Variants in CACNA1C observed in about 807,000 individuals in gnomAD.
CACNA1C encodes the protein calcium voltage-gated channel subunit alpha1 C.
In CACNA1C, 30 loss-of-function variants were observed where a neutral mutation model predicts 229.0. The observed-to-expected ratio is 0.13, with a 90% CI of 0.10 to 0.18. The LOEUF is 0.18. Among genes scored for constraint, CACNA1C ranks in the 10% least tolerant of loss-of-function variants. CACNA1C has a pLI of 1.00. For missense variants in CACNA1C, 1,658 were observed against 2,845.0 expected, an observed-to-expected ratio of 0.58 and a Z score of 9.49; for synonymous variants, 1,114 against 1,132.5, an observed-to-expected ratio of 0.98 and a Z score of 0.33.
At chr12:2,199,389 C>G (rs2097521095) in intron 3 of CACNA1C, among the ~76,000 whole-genome samples, 1 of 152,110 alleles carries the variant, frequency 6.6e-6, no homozygotes, top group Non-Finnish European at 1.5e-5. Flanking sequence ...GGGTGAAAAC[C>G]TTTATGATGG....
At position 2,500,789 on chromosome 12, in the gene CACNA1C, G is replaced by A. The variant is rs544827809; in HGVS notation, c.1114-4053G>A. ...AGGTCAGTACCATGGGGTTCTGCAC[G>A]CGCTTCAGGGTGCCGGCGTGCCCTC... is the stretch of plus-strand genomic sequence containing the variant. On this transcript the variant is annotated intron_variant, in intron 7 of 46. Transcript: ENST00000399655. Among the ~76,000 whole-genome samples, 106 of 152,306 alleles carry A rather than the reference G, an allele frequency of 7.0e-4. 1 individual carries two copies. Among genetic ancestry groups the A allele is most frequent in the Admixed American group, 1.6e-3 (25 of 15,304 alleles).
At chr12:2,545,056 TGG>T (rs2099878557) in intron 9 of CACNA1C, among the ~76,000 whole-genome samples, 1 of 152,200 alleles carries the variant, frequency 6.6e-6, no homozygotes, top group Admixed American at 6.5e-5. Context: ...AGTTTGGCTT[TGG>T]GAAGTGCTTT....
At chr12:2,531,158 T>C (rs1197517899) in intron 9 of CACNA1C, among the ~76,000 whole-genome samples, 1 of 152,234 alleles carries the variant, frequency 6.6e-6, no homozygotes, top group Non-Finnish European at 1.5e-5. Flanking sequence ...ATGAGAAAAG[T>C]GAGGTTCAGA....
chr12:2,483,024 C>T (rs552195245), intron 5 of CACNA1C, among the ~76,000 whole-genome samples: 1 of 152,314 alleles, frequency 6.6e-6, no homozygotes, highest in Admixed American at 6.5e-5. Context: ...GAAGGCACCC[C>T]GTGCTCACGC....
rs375832216 is a variant in CACNA1C at position 2,068,430 on chromosome 12, A to G, written c.49+14819A>G. Among the ~76,000 whole-genome samples the G allele has an allele frequency of 8.5e-5, 13 of 152,278 alleles. No homozygotes were observed. The East Asian group carries it at 2.5e-3, about 29-fold the overall frequency. On this transcript the variant is annotated intron_variant, in intron 1 of 46. Transcript: ENST00000399655. Reference sequence around the variant, plus strand: ...GCAAAGACCTAGTGTCTCTGAGTTGAGGAGGCTGGGCTTCTGCACCTCACT... The same window carrying G: ...GCAAAGACCTAGTGTCTCTGAGTTGGGGAGGCTGGGCTTCTGCACCTCACT...
rs1311886282 is a variant in CACNA1C, at chr12:2,467,067, G to C, written c.757+9361G>C. Among the ~76,000 whole-genome samples, 1 of 152,156 alleles carries C rather than the reference G, an allele frequency of 6.6e-6. No homozygotes were observed. Among genetic ancestry groups the C allele is most frequent in the Non-Finnish European group, 1.5e-5 (1 of 68,012 alleles). On this transcript the variant is annotated intron_variant, in intron 5 of 46. Transcript: ENST00000399655. The surrounding 1 kb of genome is among the most constrained non-coding windows in gnomAD (Gnocchi z 4.6). ...ATGAGGACAGGGGCATGTGCAGGGG[G>C]CCACCCCTGAGGCCGTCCCTCATTC...
rs189667045 is a variant in CACNA1C, at chr12:2,310,401, A to G, written c.478-138575A>G. ...TGGGAATAAAGACTTCTTGATGTGT[A>G]TCACCAACATATCTAATTTGGTTTT... On this transcript the variant is annotated intron_variant, in intron 3 of 46. Coordinates refer to ENST00000399655, the MANE Select transcript of CACNA1C (RefSeq NM_000719.7). Among the ~76,000 whole-genome samples the G allele has an allele frequency of 2.4e-4, 37 of 151,704 alleles. No individual in the cohort carries two copies. The East Asian group carries it at 7.2e-3, about 29-fold the overall frequency.
At position 2,621,670 on chromosome 12, in the gene CACNA1C, C is replaced by T. The variant is rs968175693; in HGVS notation, c.3828+9657C>T. Among the ~76,000 whole-genome samples, 7 of 152,078 alleles carry T rather than the reference C, an allele frequency of 4.6e-5. No individual in the cohort carries two copies. The South Asian group carries it at 1.2e-3, about 27-fold the overall frequency. On this transcript the variant is annotated intron_variant, in intron 29 of 46. Transcript: ENST00000399655. ...GCAGGTGGCAGTGGAAGAGATGGAG[C>T]GAGGGGGGCAGAGTCATGACATCAC...
chr12:2,058,463 C>T (rs573726281), intron 1 of CACNA1C, among the ~76,000 whole-genome samples: 1 of 152,276 alleles, frequency 6.6e-6, no homozygotes, highest in South Asian at 2.1e-4. Context: ...TCATCTGTTT[C>T]TAGATTCCAT....
intron 3 of CACNA1C, among the ~76,000 whole-genome samples, chr12:2,124,872 G>A (rs2089306713): frequency 6.6e-6 from 1 of 152,156 alleles, no homozygotes; most frequent in African/African-American, 2.4e-5. Context: ...GGAGCCCGTG[G>A]AGCGTGAGGC....
At chr12:2,028,333 T>A (rs1453814367) in intron 1 of CACNA1C, among the ~76,000 whole-genome samples, 3 of 152,168 alleles carry the variant, frequency 2.0e-5, no homozygotes, top group African/African-American at 7.2e-5. Flanking sequence ...TGAGGCTTAA[T>A]CTGAAGACAG....
chr12:2,059,935 C>T (rs1460862405), intron 1 of CACNA1C, among the ~76,000 whole-genome samples: 2 of 152,108 alleles, frequency 1.3e-5, no homozygotes, highest in African/African-American at 2.4e-5. Context: ...CCCCCTGCCT[C>T]CACCTTTGTA....
chr12:2,129,510 CAAAT>C (rs1343617017), intron 3 of CACNA1C, among the ~76,000 whole-genome samples: 1 of 152,256 alleles, frequency 6.6e-6, no homozygotes, highest in East Asian at 1.9e-4. Context: ...GAGAATCTTC[CAAAT>C]AAATTCACTG....
chr12:2,118,829 C>A (rs1354191406), intron 2 of CACNA1C, among the ~76,000 whole-genome samples: 1 of 152,246 alleles, frequency 6.6e-6, no homozygotes, highest in Non-Finnish European at 1.5e-5. Context: ...GGGTCTTGGA[C>A]TGGCTGCTTT....
rs1266705962 is a variant in CACNA1C at position 2,115,560 on chromosome 12, C to G, written c.371+15C>G. On this transcript the variant is annotated intron_variant, in intron 2 of 46. Transcript: ENST00000399655. Reference sequence around the variant, plus strand: ...GTCGAATGGAAATATCCTTTGTTCACCGGGCTGGGCATGCTCCTGGGACCT... The same window carrying G: ...GTCGAATGGAAATATCCTTTGTTCAGCGGGCTGGGCATGCTCCTGGGACCT... 1 of 1,611,896 alleles carries G rather than the reference C, an allele frequency of 6.2e-7. No homozygotes were observed. The highest frequency in any genetic ancestry group is 8.5e-7 in the Non-Finnish European group (1 of 1,179,154).
chr12:2,677,165 C>T lies in CACNA1C; in HGVS notation c.4900C>T (p.Arg1634Cys). Residue 1634 changes from arginine to cysteine, a missense_variant, in exon 40 of 47, where the codon CGC (arginine) becomes TGC (cysteine). Around this residue, in one of 20 missense-constraint regions of CACNA1C, gnomAD observed 151 missense variants for 344.4 expected, o/e 0.44. Transcript: ENST00000399655. This position sits in a 1 kb window ranked among gnomAD's most constrained non-coding sequence, Gnocchi z 7.4. The stretch of plus-strand genomic sequence containing the variant: ...GGAGTACTTCCGGAAGTTCAAGAAG[C>T]GCAAAGAGCAGGGCCTTGTGGGCAA... ...IQEYFRKFKK[R>C]KEQGLVGKPS... is the part of the protein sequence containing the mutation. 3 of 1,613,774 alleles carry T rather than the reference C, an allele frequency of 1.9e-6. No homozygotes were observed. Among genetic ancestry groups the T allele is most frequent in the Non-Finnish European group, 2.5e-6 (3 of 1,179,788 alleles).
At chr12:2,617,657 C>T (rs551439036) in intron 29 of CACNA1C, among the ~76,000 whole-genome samples, 1 of 152,304 alleles carries the variant, frequency 6.6e-6, no homozygotes, top group African/African-American at 2.4e-5. Context: ...ACATGGGTGG[C>T]CACAGGCCCT....
intron 5 of CACNA1C, among the ~76,000 whole-genome samples, chr12:2,474,259 A>G (rs1159740334): frequency 6.6e-6 from 1 of 152,214 alleles, no homozygotes; most frequent in African/African-American, 2.4e-5. Context: ...CTTATTATCA[A>G]GTATGTTGCT....
chr12:2,545,704 T>C (rs2099879759), intron 9 of CACNA1C, among the ~76,000 whole-genome samples: 1 of 152,248 alleles, frequency 6.6e-6, no homozygotes, highest in Non-Finnish European at 1.5e-5. Flanking sequence ...TGTATTTCAA[T>C]ACCAAATGGC....
Sources: allele counts gnomAD v4.1 joint callset (sites outside exome capture counted in the v4.1 genomes callset), GRCh38; gene constraint gnomAD v4.1.1; regional missense constraint gnomAD v4.1.1; non-coding constraint Gnocchi (gnomAD v3.1); transcripts MANE v1.5; gene names NCBI Gene and HGNC (gene_info 2026-07-23, HGNC 2026-07-21).